Variants in ZNF469 observed in about 807,000 individuals in gnomAD.
The protein encoded by ZNF469 is zinc finger protein 469.
ZNF469 carries 1 observed loss-of-function variant against 1.0 expected under a neutral mutation model. The ratio of observed to expected loss-of-function variants is 1.00; its 90% CI spans 0.35 to 4.73. The LOEUF (loss-of-function observed/expected upper bound fraction) is 4.73, where lower values mean the gene tolerates loss of function less well. ZNF469 is among the 30% of genes most tolerant of loss of function. The probability of loss-of-function intolerance (pLI) is 0.16; values close to 1 mark genes in which losing one functional copy is unlikely to be tolerated. For synonymous variants in ZNF469, 2,703 were observed against 2,363.4 expected (o/e 1.14, Z -4.17); for missense variants, 6,100 against 5,356.3 (o/e 1.14, Z -4.33).
the ZNF469 span, among the ~76,000 whole-genome samples, chr16:88,196,754 G>A: frequency 6.6e-6 from 1 of 152,218 alleles, no homozygotes; most frequent in Non-Finnish European, 1.5e-5. Context: ...GAGGCTCAGA[G>A]CTCCACCAAC....
Position 88,434,994 on chromosome 16 carries a change from G to C in ZNF469, c.7524G>C (p.Ala2508=), listed in dbSNP as rs559000174. 2 of 1,550,250 alleles carry C rather than the reference G, an allele frequency of 1.3e-6. No homozygotes were observed. The highest frequency in any genetic ancestry group is 3.9e-5 in the Admixed American group (2 of 51,016). The change falls in exon 3 of 3, where the codon GCG becomes GCC. Residue 2508 remains alanine (A), a synonymous_variant. Coordinates refer to ENST00000565624, the MANE Select transcript of ZNF469 (RefSeq NM_001367624.2). Reference sequence around the variant, plus strand: ...GAGCCCCCGCGGAGCCGAGCCCAGCGGCCTTGCCTGCTCAGCAGCCTCTAG... The same window carrying C: ...GAGCCCCCGCGGAGCCGAGCCCAGCCGCCTTGCCTGCTCAGCAGCCTCTAG... ...HPGAPAEPSP[A]ALPAQQPLEP...
the ZNF469 span, among the ~76,000 whole-genome samples, chr16:88,259,775 C>A: frequency 1.3e-5 from 2 of 152,310 alleles, no homozygotes; most frequent in African/African-American, 4.8e-5. The surrounding 1 kb of genome is among the most constrained non-coding windows in gnomAD (Gnocchi z 4.1). Context: ...AGGCGCTGAT[C>A]CCTCCCTCCA....
the ZNF469 span, among the ~76,000 whole-genome samples, chr16:88,369,873 C>T: frequency 7.2e-5 from 11 of 152,248 alleles, no homozygotes; most frequent in Admixed American, 2.0e-4. Flanking sequence ...GTCCCCACCG[C>T]GCCCTCAGAA....
the ZNF469 span, among the ~76,000 whole-genome samples, chr16:88,122,753 C>G: frequency 6.6e-6 from 1 of 151,832 alleles, no homozygotes; most frequent in African/African-American, 2.4e-5. Context: ...CATAAATATA[C>G]TTTAGGTATA....
chr16:88,339,080 C>T, the ZNF469 span, among the ~76,000 whole-genome samples: 2 of 149,984 alleles, frequency 1.3e-5, no homozygotes, highest in Admixed American at 1.3e-4. Flanking sequence ...GCGTGCCTGC[C>T]TGAGCAGAGA....
In ZNF469 at chr16:88,428,461, G is replaced by C. The variant is rs1905863006; in HGVS notation, c.991G>C (p.Ala331Pro). ...TGCCTACCCGCTGCCCACCCAGCCTGCGCCCTCACCCCTGCCCTGCTACCA... is the reference window on the plus strand; with the variant it reads ...TGCCTACCCGCTGCCCACCCAGCCTCCGCCCTCACCCCTGCCCTGCTACCA... ...GPAYPLPTQP[A>P]PSPLPCYQGQ... Residue 331 changes from alanine to proline, a missense_variant, in exon 3 of 3, where the codon GCG becomes CCG. Transcript: ENST00000565624. 1 of 1,548,738 alleles carries C rather than the reference G, an allele frequency of 6.5e-7. No individual in the cohort carries two copies. The highest frequency in any genetic ancestry group is 1.4e-5 in the African/African-American group (1 of 73,134).
At position 88,428,301 on chromosome 16, in the gene ZNF469, C is replaced by G; in HGVS notation, c.831C>G (p.Phe277Leu). 1 of 1,550,354 alleles carries G rather than the reference C, an allele frequency of 6.5e-7. No homozygotes were observed. Among genetic ancestry groups the G allele is most frequent in the Non-Finnish European group, 8.7e-7 (1 of 1,146,942 alleles). Residue 277 changes from phenylalanine to leucine, a missense_variant, in exon 3 of 3, where the codon TTC (phenylalanine) becomes TTG (leucine). By Grantham distance (22) the Phe-to-Leu change is conservative (BLOSUM62 0). Transcript: ENST00000565624. ...GGGGAGTTTCCTTCCAGTTCCCCTT[C>G]CCGGCACTGCATGGGGCCAGCACAA... ...SPRGVSFQFPFPALHGASTKP... is the reference protein window; with the variant it reads ...SPRGVSFQFPLPALHGASTKP...
chr16:88,280,021 CTCAG>C, the ZNF469 span, among the ~76,000 whole-genome samples: 1 of 151,126 alleles, frequency 6.6e-6, no homozygotes, highest in Non-Finnish European at 1.5e-5. Flanking sequence ...CATGCTGACA[CTCAG>C]TCAGTACCGT....
Position 88,435,682 on chromosome 16 carries a change from G to A in ZNF469, c.8212G>A (p.Ala2738Thr), listed in dbSNP as rs3812955. Residue 2738 changes from alanine to threonine, a missense_variant, in exon 3 of 3, where the codon GCA becomes ACA. Physicochemically the swap from Ala to Thr is moderately conservative, Grantham distance 58 (BLOSUM62 0). Coordinates refer to ENST00000565624, the MANE Select transcript of ZNF469 (RefSeq NM_001367624.2). Reference sequence around the variant, plus strand: ...GCTGTGTCCAGGGAGGATGGATGGTGCAGCTCTGGGGGAACAGCCAACTGG... The same window carrying A: ...GCTGTGTCCAGGGAGGATGGATGGTACAGCTCTGGGGGAACAGCCAACTGG... ...RMLCPGRMDG[A>T]ALGEQPTGQK... is the part of the protein sequence containing the mutation. The A allele has an allele frequency of 0.015, 22,496 of 1,550,578 alleles. 343 individuals carry two copies. Among genetic ancestry groups the A allele is most frequent in the African/African-American group, 0.065 (4,720 of 73,132 alleles).
the ZNF469 span, among the ~76,000 whole-genome samples, chr16:88,119,360 C>T: frequency 2.6e-5 from 4 of 152,192 alleles, no homozygotes; most frequent in African/African-American, 9.6e-5. Flanking sequence ...CCTGGCCGTC[C>T]GCAGCCTGTG....
the ZNF469 span, among the ~76,000 whole-genome samples, chr16:88,187,839 G>C: frequency 6.6e-6 from 1 of 151,026 alleles, no homozygotes; most frequent in Admixed American, 6.6e-5. Flanking sequence ...TAGTTTCCCT[G>C]TTTATCTTGG....
rs1243898549 is a variant in ZNF469, at chr16:88,433,810, G to A, written c.6340G>A (p.Ala2114Thr). ...CTCTGTCGGGGACCTGGCCGCCTGC[G>A]CCCCCTCACCCACTTCAGCCGCCCA... The part of the protein sequence containing the change: ...APSVGDLAAC[A>T]PSPTSAAHMP... Residue 2114 changes from alanine (A) to threonine (T), a missense_variant, in exon 3 of 3, where the codon GCC becomes ACC. Physicochemically the swap from Ala to Thr is moderately conservative, Grantham distance 58 (BLOSUM62 0). Coordinates refer to ENST00000565624, the MANE Select transcript of ZNF469 (RefSeq NM_001367624.2). 2.6e-5 allele frequency: 41 copies of A among 1,549,570 alleles called. No individual in the cohort carries two copies. The highest frequency in any genetic ancestry group is 3.1e-5 in the Non-Finnish European group (35 of 1,146,800).
chr16:88,206,326 C>T, the ZNF469 span, among the ~76,000 whole-genome samples: 1 of 152,196 alleles, frequency 6.6e-6, no homozygotes. Flanking sequence ...GACTGGAGAC[C>T]CGAACTGAGT....
the ZNF469 span, among the ~76,000 whole-genome samples, chr16:88,206,933 G>GTT: frequency 1.3e-3 from 1 of 794 alleles, no homozygotes; most frequent in African/African-American, 4.4e-3. Context: ...GGGGAGGGAG[G>GTT]CCGCGGGGAC....
chr16:88,235,284 C>T, the ZNF469 span, among the ~76,000 whole-genome samples: 1 of 152,248 alleles, frequency 6.6e-6, no homozygotes, highest in South Asian at 2.1e-4. Context: ...CTTCCGCACA[C>T]ATTTCTCTCC....
chr16:88,125,473 A>G, the ZNF469 span, among the ~76,000 whole-genome samples: 2 of 152,262 alleles, frequency 1.3e-5, no homozygotes, highest in South Asian at 4.1e-4. Context: ...CTACAAAAAT[A>G]GCCTGCATGG....
At chr16:88,150,042 T>A in the ZNF469 span, among the ~76,000 whole-genome samples, 1 of 152,238 alleles carries the variant, frequency 6.6e-6, no homozygotes, top group Non-Finnish European at 1.5e-5. Context: ...GAGCAGTGAT[T>A]CATGCCTATA....
the ZNF469 span, among the ~76,000 whole-genome samples, chr16:88,322,517 G>A: frequency 2.0e-5 from 3 of 152,216 alleles, no homozygotes; most frequent in African/African-American, 4.8e-5. Flanking sequence ...TGATCAAACC[G>A]TATCTCATGG....
the ZNF469 span, among the ~76,000 whole-genome samples, chr16:88,108,310 G>A: frequency 1.6e-4 from 25 of 152,122 alleles, 1 homozygote; most frequent in East Asian, 2.3e-3. Flanking sequence ...GCCCTGCACC[G>A]TCACACTGTG....
Sources: allele counts gnomAD v4.1 joint callset (sites outside exome capture counted in the v4.1 genomes callset), GRCh38; gene constraint gnomAD v4.1.1; non-coding constraint Gnocchi (gnomAD v3.1); transcripts MANE v1.5; gene names NCBI Gene and HGNC (gene_info 2026-07-23, HGNC 2026-07-21).